Variants in CATSPERG observed in about 807,000 individuals in gnomAD.
CATSPERG encodes the protein cation channel sperm-associated auxiliary subunit gamma.
A neutral mutation model predicts 145.0 loss-of-function variants in CATSPERG; 115 were observed. The observed-to-expected ratio is 0.79, with a 90% CI of 0.68 to 0.93. CATSPERG has a LOEUF of 0.93. Ranked by LOEUF, CATSPERG falls within the 40% of genes least tolerant of loss-of-function variation. The pLI is 0.00. For synonymous variants in CATSPERG, 588 were observed against 589.0 expected, an observed-to-expected ratio of 1.00 and a Z score of 0.02; for missense variants, 1,296 against 1,490.1, an observed-to-expected ratio of 0.87 and a Z score of 2.14.
At chr19:38,346,655 G>A (rs764322906) in intron 7 of CATSPERG, 50 bp downstream of exon 7, 78 of 1,499,130 alleles carry the variant, frequency 5.2e-5, no homozygotes, top group Non-Finnish European at 6.7e-5. Flanking sequence ...AGGGAGCTGG[G>A]CCTCAGCCCC....
At chr19:38,364,811 G>A in intron 20 of CATSPERG, 80 bp from the exon 21 acceptor site, 1 of 1,116,266 alleles carries the variant, frequency 9.0e-7, no homozygotes, top group Non-Finnish European at 1.4e-6. Flanking sequence ...CCCCAGCTAT[G>A]GGTTATTTGA....
At position 38,350,990 on chromosome 19, in the gene CATSPERG, A is replaced by G. The variant is rs571406654; in HGVS notation, c.826-1271A>G. Among the ~76,000 whole-genome samples the G allele has an allele frequency of 1.6e-4, 25 of 152,256 alleles. No homozygotes were observed. The East Asian group carries it at 3.7e-3, about 22-fold the overall frequency. ...GGTGACAGAGTGAGATCCTATCTCA[A>G]AAAACAAACAAACAAAAAATGGTCC... On this transcript the variant is annotated intron_variant, in intron 7 of 28. Transcript: ENST00000409235.
Position 38,362,393 on chromosome 19 carries a change from G to C in CATSPERG, c.2175G>C (p.Leu725Phe). Residue 725 changes from leucine to phenylalanine, a missense_variant, in exon 19 of 29, where the codon TTG becomes TTC. Transcript: ENST00000409235. ...TACCCCAGGATTACTACTTCTTCTT[G>C]GCGAGCAATTGGCGAAGCGCGGGCG... ...NKQDQDYYFF[L>F]ASNWRSAGGV... 1 of 1,614,144 alleles carries C rather than the reference G, an allele frequency of 6.2e-7. No homozygotes were observed. Among genetic ancestry groups the C allele is most frequent in the Non-Finnish European group, 8.5e-7 (1 of 1,180,008 alleles).
intron 7 of CATSPERG, among the ~76,000 whole-genome samples, chr19:38,351,346 C>T (rs1365087059): frequency 1.3e-5 from 2 of 152,138 alleles, no homozygotes; most frequent in Admixed American, 6.6e-5. Flanking sequence ...CGGTGGCTTA[C>T]GCCTGTAATC....
At chr19:38,337,137 AGAGGCGCAGAAGC>A in intron 1 of CATSPERG, 71 bp from the exon 2 acceptor site, 1 of 1,474,916 alleles carries the variant, frequency 6.8e-7, no homozygotes, top group Non-Finnish European at 9.1e-7. Flanking sequence ...AAGTGCTGTG[AGAGGCGCAGAAGC>A]GAGGTGGAAT....
At position 38,360,594 on chromosome 19, in the gene CATSPERG, G is replaced by A. The variant is rs202186909; in HGVS notation, c.1714G>A (p.Ala572Thr). 60 of 1,614,182 alleles carry A rather than the reference G, an allele frequency of 3.7e-5. No individual in the cohort carries two copies. The East Asian group carries it at 4.9e-4, about 13-fold the overall frequency. ...LKLMQQSSLY[A>T]SNETMLTLFY... ...GCTGATGCAACAGTCCTCTCTCTAC[G>A]CATCCAATGAGACCATGCTGACCCT... is the stretch of plus-strand genomic sequence containing the variant. Residue 572 changes from alanine to threonine, a missense_variant, in exon 15 of 29, where the codon GCA becomes ACA. Coordinates refer to ENST00000409235, the MANE Select transcript of CATSPERG (RefSeq NM_021185.5).
At chr19:38,360,239 C>T in intron 14 of CATSPERG, 1 of 985,268 alleles carries the variant, frequency 1.0e-6, no homozygotes, top group South Asian at 4.7e-5. Context: ...TGCCAGAAAC[C>T]CAAACAGACC....
In CATSPERG at chr19:38,356,870, G is replaced by A; in HGVS notation, c.1315+9G>A. ...GGTCAGCTACAACACAGGTAATGAG[G>A]GTGATGCAAGGGGCTGGGCACAAAG... On this transcript the variant is annotated intron_variant, in intron 11 of 28. Coordinates refer to ENST00000409235, the MANE Select transcript of CATSPERG (RefSeq NM_021185.5). 1 of 1,613,752 alleles carries A rather than the reference G, an allele frequency of 6.2e-7. No homozygotes were observed. Among genetic ancestry groups the A allele is most frequent in the Non-Finnish European group, 8.5e-7 (1 of 1,179,800 alleles).
intron 14 of CATSPERG, chr19:38,360,038 G>A: frequency 1.0e-6 from 1 of 985,338 alleles, no homozygotes; most frequent in Non-Finnish European, 1.2e-6. Flanking sequence ...CCCCCAGGTT[G>A]TGGCTCAGGA....
At chr19:38,345,125 G>T (rs1970018166) in intron 6 of CATSPERG, among the ~76,000 whole-genome samples, 1 of 151,346 alleles carries the variant, frequency 6.6e-6, no homozygotes, top group African/African-American at 2.4e-5. Flanking sequence ...ACAGAGTCTT[G>T]CTGTGTCGCC....
chr19:38,370,247 TTCA>T lies in CATSPERG; in HGVS notation c.3210_3212del (p.Ile1070del). 3 of 1,613,342 alleles carry T rather than the reference TTCA, an allele frequency of 1.9e-6. No homozygotes were observed. The highest frequency in any genetic ancestry group is 2.5e-6 in the Non-Finnish European group (3 of 1,180,010). On this transcript the variant is annotated inframe_deletion, in exon 28 of 29. Coordinates refer to ENST00000409235, the MANE Select transcript of CATSPERG (RefSeq NM_021185.5). ...GCCACTCAGTCCCAAGCGGGCCCTT[TTCA>T]TCATCATGGTGAGTGGCTGTCCGGG...
At chr19:38,362,884 T>C (rs779139058) in intron 20 of CATSPERG, 52 bp downstream of exon 20, 4 of 1,275,084 alleles carry the variant, frequency 3.1e-6, no homozygotes, top group African/African-American at 3.1e-5. Context: ...TTTTTTTTTT[T>C]TTTTTTTTTT....
rs549955953 is a variant in CATSPERG, at chr19:38,370,541, T to G, written c.3229T>G (p.Phe1077Val). The G allele has an allele frequency of 1.9e-6, 3 of 1,614,046 alleles. No individual in the cohort carries two copies. Among genetic ancestry groups the G allele is most frequent in the East Asian group, 2.2e-5 (1 of 44,894 alleles). ...LFIIMVSASV[F>V]VGLVIFYIAF... ...CTCCCTGCAGGTGTCAGCTAGCGTGTTTGTGGGCCTGGTGATCTTCTACAT... is the reference window on the plus strand; with the variant it reads ...CTCCCTGCAGGTGTCAGCTAGCGTGGTTGTGGGCCTGGTGATCTTCTACAT... The change falls in exon 29 of 29, where the codon TTT becomes GTT. Residue 1077 changes from phenylalanine to valine, a missense_variant. Phe to Val is a conservative substitution (Grantham distance 50, BLOSUM62 -1). Transcript: ENST00000409235.
chr19:38,362,046 T>G (rs1970356635), intron 17 of CATSPERG, 164 bp from the exon 18 acceptor site: 7 of 939,136 alleles, frequency 7.5e-6, no homozygotes, highest in African/African-American at 3.3e-5. Context: ...GCGTTGGGGG[T>G]GTGGCCGGGT....
chr19:38,370,599 A>C lies in CATSPERG; in HGVS notation c.3287A>C (p.Lys1096Thr), dbSNP rs770115382. Residue 1096 changes from lysine to threonine, a missense_variant, in exon 29 of 29, where the codon AAG (lysine) becomes ACG (threonine). Transcript: ENST00000409235. ...TGCCTCCTGTGGCCCCTCGTGGTGA[A>C]GGGCTGCACGATGATCCGGTGGAAG... is the stretch of plus-strand genomic sequence containing the variant. ...AFCLLWPLVVKGCTMIRWKIN... is the reference protein window; with the variant it reads ...AFCLLWPLVVTGCTMIRWKIN... 5.0e-6 allele frequency: 8 copies of C among 1,614,116 alleles called. No individual in the cohort carries two copies. The highest frequency in any genetic ancestry group is 1.1e-5 in the South Asian group (1 of 91,074).
chr19:38,354,904 C>T (rs967584903), intron 9 of CATSPERG, 57 bp downstream of exon 9: 17 of 1,569,702 alleles, frequency 1.1e-5, no homozygotes, highest in Middle Eastern at 1.9e-4. Flanking sequence ...CTCTCACCTC[C>T]GAGAATTCTA....
chr19:38,361,964 G>C, intron 17 of CATSPERG, 103 bp downstream of exon 17: 1 of 380,988 alleles, frequency 2.6e-6, no homozygotes, highest in South Asian at 1.9e-5. Context: ...CGGGATTGGA[G>C]AACAGGACTG....
intron 6 of CATSPERG, 21 bp from the exon 7 acceptor site, chr19:38,346,429 C>T (rs2145073585): frequency 1.3e-6 from 2 of 1,513,548 alleles, no homozygotes; most frequent in South Asian, 1.2e-5. Flanking sequence ...TGTTGGCGTC[C>T]CTCCTGTCCC....
chr19:38,361,101 G>C (rs1356803233), intron 16 of CATSPERG, among the ~76,000 whole-genome samples: 1 of 152,192 alleles, frequency 6.6e-6, no homozygotes, highest in Non-Finnish European at 1.5e-5. Context: ...CAAGTGATAA[G>C]GTGGGGAAGG....
Sources: gnomAD v4.1 joint callset for allele counts (sites outside exome capture counted in the v4.1 genomes callset) on GRCh38, gnomAD v4.1.1 for gene constraint, MANE v1.5 for transcripts, NCBI Gene and HGNC (gene_info 2026-07-23, HGNC 2026-07-21) for gene names.